Variants in CEBPZOS observed in about 807,000 individuals in gnomAD.
CEBPZOS encodes the protein protein CEBPZOS.
CEBPZOS carries 10 observed loss-of-function variants against 4.8 expected under a neutral mutation model. That is an observed-to-expected ratio of 2.07 (90% CI 1.28 to 3.52). The LOEUF is 3.52. Among genes scored for constraint, CEBPZOS ranks in the 30% most tolerant of loss-of-function variants. The pLI, the probability that CEBPZOS is intolerant of heterozygous loss-of-function variation, is 0.00. For synonymous variants in CEBPZOS, 25 were observed against 14.2 expected (o/e 1.77, Z -1.72); for missense variants, 98 against 43.6 (o/e 2.25, Z -3.51).
At chr2:37,209,569 T>G (rs1470811496), downstream of CEBPZOS, 1 of 152,220 alleles carries the variant, frequency 6.6e-6, no homozygotes, top group East Asian at 1.9e-4. Flanking sequence ...CCATTGGTGC[T>G]GGGATAACTG....
intron 1 of CEBPZOS, among the ~76,000 whole-genome samples, chr2:37,197,045 G>A (rs906711764): frequency 4.6e-5 from 7 of 152,238 alleles, no homozygotes; most frequent in Non-Finnish European, 1.0e-4. Flanking sequence ...TTTGGCTTGA[G>A]CTTGTGTCCC....
chr2:37,209,586 C>T (rs1274632699), downstream of CEBPZOS: 1 of 152,122 alleles, frequency 6.6e-6, no homozygotes, highest in Non-Finnish European at 1.5e-5. Flanking sequence ...ACTGGCAAGC[C>T]ACATGTAGGA....
chr2:37,211,125 T>C (rs1278455496), intron 4 of CEBPZOS: 2 of 1,312,452 alleles, frequency 1.5e-6, no homozygotes. Context: ...TTAAAAACAA[T>C]AAGACTGGAA....
chr2:37,207,118 T>C (rs1558467986), downstream of CEBPZOS, among the ~76,000 whole-genome samples: 1 of 152,108 alleles, frequency 6.6e-6, no homozygotes, highest in African/African-American at 2.4e-5. Flanking sequence ...CCAAAATATA[T>C]ATGCACCTAC....
At chr2:37,205,989 C>T (rs2148339041), downstream of CEBPZOS, among the ~76,000 whole-genome samples, 1 of 152,272 alleles carries the variant, frequency 6.6e-6, no homozygotes, top group East Asian at 1.9e-4. Context: ...AAATGCAAGG[C>T]TTTTATAATT....
intron 2 of CEBPZOS, among the ~76,000 whole-genome samples, chr2:37,200,835 C>A (rs1677189885): frequency 6.6e-6 from 1 of 152,060 alleles, no homozygotes; most frequent in Non-Finnish European, 1.5e-5. Context: ...TGTGACTGTG[C>A]CACTGTACTG....
downstream of CEBPZOS, chr2:37,209,164 C>T (rs765997707): frequency 1.3e-5 from 2 of 151,868 alleles, no homozygotes; most frequent in African/African-American, 2.4e-5. Flanking sequence ...CAAATGGAAA[C>T]GCATCCCATG....
intron 1 of CEBPZOS, 88 bp from the exon 2 acceptor site, chr2:37,199,616 G>A: frequency 4.5e-6 from 3 of 661,966 alleles, no homozygotes; most frequent in Non-Finnish European, 8.4e-6. Context: ...CATTCAAACT[G>A]TGGGAATGAA....
intron 4 of CEBPZOS, chr2:37,212,132 T>C (rs991104924): frequency 8.6e-7 from 1 of 1,166,814 alleles, no homozygotes; most frequent in Non-Finnish European, 1.2e-6. Context: ...ATTAAATGAC[T>C]CAGAAGGAGA....
At chr2:37,198,153 G>A (rs1052983699) in intron 1 of CEBPZOS, among the ~76,000 whole-genome samples, 5 of 151,738 alleles carry the variant, frequency 3.3e-5, no homozygotes, top group Non-Finnish European at 7.4e-5. Context: ...GAGCGAGACC[G>A]TGTCTCCAAA....
chr2:37,206,064 T>G (rs1326179817), downstream of CEBPZOS, among the ~76,000 whole-genome samples: 1 of 152,184 alleles, frequency 6.6e-6, no homozygotes, highest in Non-Finnish European at 1.5e-5. Context: ...AAGGAAGATC[T>G]GCATTCAAAT....
downstream of CEBPZOS, among the ~76,000 whole-genome samples, chr2:37,214,669 C>G (rs764951533): frequency 3.9e-5 from 6 of 152,082 alleles, no homozygotes; most frequent in Admixed American, 3.9e-4. Flanking sequence ...TTAACAAACA[C>G]AGACATATCC....
chr2:37,213,853 A>G (rs1286864591), downstream of CEBPZOS: 1 of 1,575,070 alleles, frequency 6.3e-7, no homozygotes, highest in East Asian at 2.3e-5. Flanking sequence ...AGAGTCAACA[A>G]AACAAATTAC....
At chr2:37,207,695 A>G (rs1028693263), downstream of CEBPZOS, among the ~76,000 whole-genome samples, 1 of 152,180 alleles carries the variant, frequency 6.6e-6, no homozygotes, top group Admixed American at 6.5e-5. Flanking sequence ...TCTACATCAA[A>G]AAGTCTGAAA....
intron 4 of CEBPZOS, chr2:37,211,200 G>A: frequency 1.7e-6 from 1 of 583,870 alleles, no homozygotes; most frequent in Non-Finnish European, 2.9e-6. Context: ...GCTATTCCAT[G>A]TGGGTTTTGT....
rs750376654 is a variant in CEBPZOS, at chr2:37,202,999, T to G, written c.*1139T>G. On this transcript the variant is annotated 3_prime_UTR_variant, in exon 5 of 5. Coordinates refer to ENST00000402297, the MANE Select transcript of CEBPZOS (RefSeq NM_001322374.2). ...GGAATCATTTAAGTTTCTTTTCTTT[T>G]TTCTTGGCCCTAAAAAAAATTGTAA... is the stretch of plus-strand genomic sequence containing the variant. 1 of 1,549,636 alleles carries G rather than the reference T, an allele frequency of 6.5e-7. No individual in the cohort carries two copies. The highest frequency in any genetic ancestry group is 1.3e-5 in the South Asian group (1 of 78,588).
intron 4 of CEBPZOS, chr2:37,210,392 G>A (rs1324211331): frequency 6.6e-6 from 1 of 152,158 alleles, no homozygotes; most frequent in Non-Finnish European, 1.5e-5. Flanking sequence ...CAACTAATGA[G>A]TGGATAAAGA....
In CEBPZOS at chr2:37,203,134, C is replaced by A; in HGVS notation, c.*1274C>A. On this transcript the variant is annotated 3_prime_UTR_variant, in exon 5 of 5. Coordinates refer to ENST00000402297, the MANE Select transcript of CEBPZOS (RefSeq NM_001322374.2). ...AAACAATTGCAATAATCTTCTGGCA[C>A]CATTGGGTAGCTGGCATTTAAATAT... The A allele has an allele frequency of 1.7e-6, 1 of 573,004 alleles. No homozygotes were observed. The highest frequency in any genetic ancestry group is 3.2e-5 in the South Asian group (1 of 30,920). 35.5% of individuals were successfully genotyped at this position (573,004 alleles called of 1,614,324 possible). A position where few individuals can be genotyped will look rare whatever the true frequency, so the allele number is the denominator to read the frequency against.
intron 4 of CEBPZOS, chr2:37,212,203 TACTGTATCC>T: frequency 1.0e-6 from 1 of 989,214 alleles, no homozygotes; most frequent in South Asian, 1.5e-5. Context: ...AAGATGAAAG[TACTGTATCC>T]ACTTCCCAAA....
Sources: gnomAD v4.1 joint callset for allele counts (sites outside exome capture counted in the v4.1 genomes callset) on GRCh38, gnomAD v4.1.1 for gene constraint, MANE v1.5 for transcripts, NCBI Gene and HGNC (gene_info 2026-07-23, HGNC 2026-07-21) for gene names.